Variants in DLG2 observed in about 807,000 individuals in gnomAD.
DLG2 encodes discs large MAGUK scaffold protein 2.
In DLG2, 45 loss-of-function variants were observed where a neutral mutation model predicts 132.5. The observed-to-expected ratio is 0.34, with a 90% CI of 0.27 to 0.44. The LOEUF (loss-of-function observed/expected upper bound fraction) is 0.44. DLG2 is among the 20% of genes least tolerant of loss of function. DLG2 has a pLI of 1.00. For synonymous variants in DLG2, 424 were observed against 419.6 expected (o/e 1.01, Z -0.13); for missense variants, 1,045 against 1,196.9 (o/e 0.87, Z 1.87).
chr11:85,261,621 G>T (rs1340912752), intron 4 of DLG2, among the ~76,000 whole-genome samples: 3 of 152,124 alleles, frequency 2.0e-5, no homozygotes, highest in East Asian at 1.9e-4. Context: ...TAAAACTGGG[G>T]TATAGCAGAA....
At chr11:85,411,221 G>T (rs1014448409) in intron 3 of DLG2, among the ~76,000 whole-genome samples, 2 of 151,704 alleles carry the variant, frequency 1.3e-5, no homozygotes, top group Non-Finnish European at 1.5e-5. Context: ...CATGCATGCA[G>T]TGTACATCTG....
At chr11:85,528,255 TG>T (rs1225275710) in intron 3 of DLG2, among the ~76,000 whole-genome samples, 8 of 152,214 alleles carry the variant, frequency 5.3e-5, no homozygotes, top group Admixed American at 1.3e-4. Context: ...TTGAAGTCTT[TG>T]CCCATGCCTA....
chr11:85,162,638 C>T (rs1423750290), intron 4 of DLG2, among the ~76,000 whole-genome samples: 1 of 152,134 alleles, frequency 6.6e-6, no homozygotes, highest in Non-Finnish European at 1.5e-5. Context: ...GACTTCATAT[C>T]AGCATTAAAG....
At chr11:85,386,280 T>A (rs147597399) in intron 3 of DLG2, among the ~76,000 whole-genome samples, 61 of 152,272 alleles carry the variant, frequency 4.0e-4, no homozygotes, top group East Asian at 3.3e-3. Context: ...TCAGAATAAG[T>A]CTCTATGTAG....
At chr11:84,715,289 A>T (rs2061087167) in intron 6 of DLG2, among the ~76,000 whole-genome samples, 1 of 152,172 alleles carries the variant, frequency 6.6e-6, no homozygotes, top group African/African-American at 2.4e-5. Flanking sequence ...AAAATATACA[A>T]CATAATGTTT....
At chr11:85,445,775 AT>A (rs2091981902) in intron 3 of DLG2, among the ~76,000 whole-genome samples, 1 of 152,272 alleles carries the variant, frequency 6.6e-6, no homozygotes, top group Admixed American at 6.5e-5. Flanking sequence ...TTTAATTTTT[AT>A]TTTTTCTTTT....
At chr11:84,701,114 C>T (rs1555173396) in intron 6 of DLG2, among the ~76,000 whole-genome samples, 1 of 151,668 alleles carries the variant, frequency 6.6e-6, no homozygotes, top group Non-Finnish European at 1.5e-5. Context: ...TGGATCCACT[C>T]CCAATCACAG....
chr11:85,187,522 A>G (rs1030957726), intron 4 of DLG2, among the ~76,000 whole-genome samples: 9 of 152,150 alleles, frequency 5.9e-5, no homozygotes, highest in Non-Finnish European at 1.0e-4. Flanking sequence ...AAGTATAAAA[A>G]CTAGACAAAA....
At chr11:84,725,004 TAGC>T (rs2062252907) in intron 6 of DLG2, among the ~76,000 whole-genome samples, 2 of 152,188 alleles carry the variant, frequency 1.3e-5, no homozygotes, top group African/African-American at 4.8e-5. Context: ...TACATTTTAT[TAGC>T]TAAGGAATGT....
chr11:84,167,275 G>T (rs2095689863), intron 8 of DLG2, among the ~76,000 whole-genome samples: 1 of 152,204 alleles, frequency 6.6e-6, no homozygotes, highest in Non-Finnish European at 1.5e-5. Context: ...TTCTGAGCAT[G>T]TAGCCTTCCT....
intron 25 of DLG2, among the ~76,000 whole-genome samples, chr11:83,467,804 T>TAC (rs1377065594): frequency 1.2e-4 from 12 of 99,944 alleles, no homozygotes; most frequent in South Asian, 3.2e-4. Flanking sequence ...TATATATATA[T>TAC]ATATATACAC....
intron 4 of DLG2, among the ~76,000 whole-genome samples, chr11:85,177,589 T>TG (rs1365849850): frequency 6.6e-6 from 1 of 152,012 alleles, no homozygotes; most frequent in Non-Finnish European, 1.5e-5. Flanking sequence ...ACCTAGGTGA[T>TG]GGGTTGACCT....
chr11:84,365,309 T>C, intron 7 of DLG2, among the ~76,000 whole-genome samples: 1 of 152,140 alleles, frequency 6.6e-6, no homozygotes, highest in South Asian at 2.1e-4. Flanking sequence ...TAGAGGTGTT[T>C]GTAGTATTCT....
intron 11 of DLG2, among the ~76,000 whole-genome samples, chr11:84,026,611 G>A (rs1369814711): frequency 1.8e-5 from 1 of 56,878 alleles, no homozygotes; most frequent in African/African-American, 3.7e-5. Flanking sequence ...CACACTTATA[G>A]TTATATATCT....
At chr11:85,436,730 T>C (rs2091500925) in intron 3 of DLG2, among the ~76,000 whole-genome samples, 1 of 152,236 alleles carries the variant, frequency 6.6e-6, no homozygotes, top group African/African-American at 2.4e-5. Flanking sequence ...CCAACCATTG[T>C]AGAAGACAGT....
At chr11:85,321,610 A>C (rs963987770) in intron 3 of DLG2, among the ~76,000 whole-genome samples, 4 of 152,060 alleles carry the variant, frequency 2.6e-5, no homozygotes, top group Admixed American at 2.0e-4. Flanking sequence ...AAACAGGAAG[A>C]TCTAGGTAAG....
chr11:84,978,578 T>G (rs1312275992), intron 6 of DLG2, among the ~76,000 whole-genome samples: 1 of 152,138 alleles, frequency 6.6e-6, no homozygotes, highest in Non-Finnish European at 1.5e-5. Context: ...GATTCCCTAT[T>G]TAATAAATGG....
At chr11:84,885,407 T>C (rs1159093916) in intron 6 of DLG2, among the ~76,000 whole-genome samples, 2 of 152,162 alleles carry the variant, frequency 1.3e-5, no homozygotes, top group Admixed American at 1.3e-4. Flanking sequence ...TATTCATAGC[T>C]TATTGCGGCC....
intron 6 of DLG2, among the ~76,000 whole-genome samples, chr11:84,537,591 C>T (rs1168062403): frequency 6.6e-6 from 1 of 152,116 alleles, no homozygotes; most frequent in East Asian, 1.9e-4. Flanking sequence ...TGTTGTGCAA[C>T]AGATCTCCAG....
Sources: gnomAD v4.1 joint callset for allele counts (sites outside exome capture counted in the v4.1 genomes callset) on GRCh38, gnomAD v4.1.1 for gene constraint, MANE v1.5 for transcripts, NCBI Gene and HGNC (gene_info 2026-07-23, HGNC 2026-07-21) for gene names.